RFX3: variants seen among roughly 807,000 people sequenced by gnomAD.
The protein encoded by RFX3 is transcription factor RFX3.
RFX3 carries 14 observed loss-of-function variants against 98.6 expected under a neutral mutation model. That is an observed-to-expected ratio of 0.14 (90% confidence interval 0.09 to 0.22). The LOEUF (loss-of-function observed/expected upper bound fraction) is 0.22, where lower values mean the gene tolerates loss of function less well. Ranked by LOEUF, RFX3 falls within the 10% of genes least tolerant of loss-of-function variation. The pLI, the probability that RFX3 is intolerant of heterozygous loss-of-function variation, is 1.00. For synonymous variants in RFX3, 383 were observed against 328.4 expected (o/e 1.17, Z -1.80); for missense variants, 639 against 926.9 (o/e 0.69, Z 4.03).
rs114541353 is a variant in RFX3, at chr9:3,349,584, C to T, written c.118-2820G>A. The stretch of plus-strand genomic sequence containing the variant: ...CTGCTTCTATCTTACTTACTGCCCC[C>T]ACACCCCCAACAGGTAACCATTTTC... On this transcript the variant is annotated intron_variant, in intron 2 of 16. Transcript: ENST00000617270. Among the ~76,000 whole-genome samples, 690 of 152,122 alleles carry T rather than the reference C, an allele frequency of 4.5e-3. 6 individuals carry two copies. The highest frequency in any genetic ancestry group is 0.016 in the African/African-American group (668 of 41,484).
At chr9:3,463,284 C>G (rs186587343) in intron 1 of RFX3, among the ~76,000 whole-genome samples, 259 of 152,100 alleles carry the variant, frequency 1.7e-3, no homozygotes, top group South Asian at 4.2e-3. Context: ...AAATTATTGT[C>G]TTTTTCAACA....
intron 1 of RFX3, among the ~76,000 whole-genome samples, chr9:3,518,867 G>C (rs1201544648): frequency 6.6e-6 from 1 of 152,034 alleles, no homozygotes; most frequent in African/African-American, 2.4e-5. Context: ...TATTGCTGTA[G>C]GTACACAAGT....
At chr9:3,425,710 C>A (rs1324797187) in intron 1 of RFX3, among the ~76,000 whole-genome samples, 1 of 152,156 alleles carries the variant, frequency 6.6e-6, no homozygotes, top group African/African-American at 2.4e-5. Flanking sequence ...AAATTTTCAA[C>A]AATTATTTCT....
chr9:3,294,593 G>A (rs1827777308), intron 5 of RFX3, among the ~76,000 whole-genome samples: 1 of 152,020 alleles, frequency 6.6e-6, no homozygotes, highest in African/African-American at 2.4e-5. Context: ...CTTAGAACCT[G>A]AATTTTCAGA....
chr9:3,501,319 T>C (rs1287010593), intron 1 of RFX3, among the ~76,000 whole-genome samples: 1 of 152,046 alleles, frequency 6.6e-6, no homozygotes, highest in Non-Finnish European at 1.5e-5. Context: ...TGTAAATTCT[T>C]TGATATATAA....
intron 1 of RFX3, among the ~76,000 whole-genome samples, chr9:3,429,330 G>T (rs1844430418): frequency 6.7e-6 from 1 of 150,324 alleles, no homozygotes; most frequent in South Asian, 2.1e-4. Context: ...CCAATTTTTA[G>T]TTATTCTTAT....
chr9:3,427,678 C>T (rs1260406659), intron 1 of RFX3, among the ~76,000 whole-genome samples: 1 of 151,678 alleles, frequency 6.6e-6, no homozygotes, highest in Non-Finnish European at 1.5e-5. Flanking sequence ...AAGCTCCTCT[C>T]TTTTGGCAGA....
chr9:3,254,092 A>G (rs1821783243), intron 14 of RFX3, among the ~76,000 whole-genome samples: 1 of 152,142 alleles, frequency 6.6e-6, no homozygotes, highest in African/African-American at 2.4e-5. Context: ...TAACAAGCCA[A>G]TTATCCTCAA....
Position 3,263,004 on chromosome 9 carries a change from C to G in RFX3, c.1536G>C (p.Val512=). ...GGTTGATTTGGGAAGTGTTCTGAAGCACTGCACGAGCTGCCTGGGCCAGGT... is the reference window on the plus strand; with the variant it reads ...GGTTGATTTGGGAAGTGTTCTGAAGGACTGCACGAGCTGCCTGGGCCAGGT... ...LNHLAQAARA[V]LQNTSQINQM... is the part of the protein sequence containing the mutation. Residue 512 remains valine, a synonymous_variant, in exon 13 of 17, where the codon GTG becomes GTC. Transcript: ENST00000617270. The G allele has an allele frequency of 6.2e-7, 1 of 1,613,882 alleles. No homozygotes were observed. The highest frequency in any genetic ancestry group is 8.5e-7 in the Non-Finnish European group (1 of 1,179,810).
chr9:3,243,179 C>T (rs1820190703), intron 15 of RFX3, among the ~76,000 whole-genome samples: 2 of 151,834 alleles, frequency 1.3e-5, no homozygotes, highest in African/African-American at 4.8e-5. Flanking sequence ...GGTATGTAAA[C>T]AGATGCAACT....
At chr9:3,400,982 CATG>C (rs1841424362) in intron 1 of RFX3, among the ~76,000 whole-genome samples, 1 of 152,152 alleles carries the variant, frequency 6.6e-6, no homozygotes, top group South Asian at 2.1e-4. Flanking sequence ...TTTGCAATAT[CATG>C]ATGATAGGGC....
intron 2 of RFX3, among the ~76,000 whole-genome samples, chr9:3,369,759 G>A (rs1166430717): frequency 2.6e-5 from 4 of 152,170 alleles, no homozygotes; most frequent in Admixed American, 6.5e-5. Context: ...ATCACAAATT[G>A]CTGATGACTA....
At chr9:3,424,603 G>A (rs923184438) in intron 1 of RFX3, among the ~76,000 whole-genome samples, 61 of 151,088 alleles carry the variant, frequency 4.0e-4, no homozygotes, top group African/African-American at 8.5e-4. Flanking sequence ...CTCGTGCTCC[G>A]CCCGCCTCGG....
chr9:3,430,401 AT>A (rs1844545635), intron 1 of RFX3, among the ~76,000 whole-genome samples: 1 of 152,206 alleles, frequency 6.6e-6, no homozygotes, highest in Non-Finnish European at 1.5e-5. Flanking sequence ...TTTTGCTTTA[AT>A]TTTAGTATCA....
chr9:3,339,607 T>C (rs933120064), intron 3 of RFX3, among the ~76,000 whole-genome samples: 6 of 152,184 alleles, frequency 3.9e-5, no homozygotes, highest in African/African-American at 1.2e-4. Context: ...CAAATATAGA[T>C]TGAGCACCTA....
chr9:3,376,010 G>C (rs2131619776), intron 2 of RFX3, among the ~76,000 whole-genome samples: 1 of 152,088 alleles, frequency 6.6e-6, no homozygotes, highest in South Asian at 2.1e-4. Context: ...TTAAATAAAA[G>C]TAGAAAGGGA....
intron 1 of RFX3, among the ~76,000 whole-genome samples, chr9:3,436,503 T>A (rs763393996): frequency 6.6e-6 from 1 of 152,042 alleles, no homozygotes; most frequent in African/African-American, 2.4e-5. Context: ...GATAAGAGTA[T>A]TTATGTCAAA....
intron 4 of RFX3, among the ~76,000 whole-genome samples, chr9:3,312,603 G>T (rs1323646928): frequency 6.6e-6 from 1 of 151,934 alleles, no homozygotes; most frequent in Admixed American, 6.6e-5. Context: ...GGGGATTGAG[G>T]TTCCAAGATG....
chr9:3,259,692 A>G (rs1458701201), intron 13 of RFX3, among the ~76,000 whole-genome samples: 1 of 151,982 alleles, frequency 6.6e-6, no homozygotes, highest in African/African-American at 2.4e-5. Flanking sequence ...ATGCCATCGT[A>G]ATACTATCAA....
Sources: gnomAD v4.1 joint callset for allele counts (sites outside exome capture counted in the v4.1 genomes callset) on GRCh38, gnomAD v4.1.1 for gene constraint, MANE v1.5 for transcripts, NCBI Gene and HGNC (gene_info 2026-07-23, HGNC 2026-07-21) for gene names.